Variants in MBD5 observed in about 807,000 individuals in gnomAD.
MBD5 encodes the protein methyl-CpG binding domain protein 5.
In MBD5, 13 loss-of-function variants were observed where a neutral mutation model predicts 117.3. The ratio of observed to expected loss-of-function variants is 0.11; its 90% CI spans 0.07 to 0.18. The LOEUF (loss-of-function observed/expected upper bound fraction) is 0.18. Ranked by LOEUF, MBD5 falls within the 10% of genes least tolerant of loss-of-function variation. The pLI is 1.00. For missense variants in MBD5, 1,879 were observed against 2,093.8 expected (o/e 0.90, Z 2.00); for synonymous variants, 727 against 766.4 (o/e 0.95, Z 0.85).
intron 1 of MBD5, among the ~76,000 whole-genome samples, chr2:148,037,924 C>T (rs557487131): frequency 9.9e-4 from 150 of 151,976 alleles, no homozygotes; most frequent in Non-Finnish European, 1.9e-3. Flanking sequence ...AAAGAACAAA[C>T]AGTTCTTTTC....
intron 8 of MBD5, chr2:148,471,112 C>G (rs1308679152): frequency 1.3e-5 from 2 of 151,828 alleles, no homozygotes; most frequent in African/African-American, 4.8e-5. Context: ...GGCTTGAAAA[C>G]CTGATTTCCA....
At chr2:148,431,931 CT>C (rs990540161) in intron 4 of MBD5, among the ~76,000 whole-genome samples, 4 of 152,058 alleles carry the variant, frequency 2.6e-5, no homozygotes, top group Non-Finnish European at 5.9e-5. Context: ...AATGGTAATT[CT>C]TTTTTAAGCT....
In MBD5 at chr2:148,424,205, A is replaced by C. The variant is rs576068370; in HGVS notation, c.-556-33998A>C. Among the ~76,000 whole-genome samples the C allele has an allele frequency of 1.7e-3, 217 of 130,384 alleles. 4 individuals are homozygous for C. Among genetic ancestry groups the C allele is most frequent in the Admixed American group, 0.014 (170 of 12,388 alleles). 85.5% of individuals were successfully genotyped at this position (130,384 alleles called of 152,430 possible). The stretch of plus-strand genomic sequence containing the variant: ...AAAAAAAAAAAAAAAAAAAAAAAAA[A>C]AAAAAAAAAAACAGCAGAGGTCGTA... On this transcript the variant is annotated intron_variant, in intron 4 of 13. Transcript: ENST00000642680.
At chr2:148,231,454 G>A (rs1330765445) in intron 2 of MBD5, among the ~76,000 whole-genome samples, 2 of 152,096 alleles carry the variant, frequency 1.3e-5, no homozygotes, top group Non-Finnish European at 2.9e-5. Flanking sequence ...ATTTAAGACT[G>A]TTTTTCCTAC....
intron 1 of MBD5, among the ~76,000 whole-genome samples, chr2:148,093,257 A>G (rs1695986678): frequency 6.6e-6 from 1 of 152,216 alleles, no homozygotes; most frequent in South Asian, 2.1e-4. Flanking sequence ...CTATGCAAAC[A>G]GGCAACTTAC....
chr2:148,087,962 TA>T (rs1032415003), intron 1 of MBD5, among the ~76,000 whole-genome samples: 3 of 150,714 alleles, frequency 2.0e-5, no homozygotes, highest in Non-Finnish European at 4.4e-5. Context: ...AAATAAATTT[TA>T]AAAAAATACA....
chr2:148,310,477 G>A (rs372990417), intron 3 of MBD5, among the ~76,000 whole-genome samples: 1 of 152,056 alleles, frequency 6.6e-6, no homozygotes, highest in Non-Finnish European at 1.5e-5. Context: ...ATTTCTGGGG[G>A]ATCAGTGGTA....
intron 3 of MBD5, among the ~76,000 whole-genome samples, chr2:148,317,934 T>C (rs887255498): frequency 1.3e-5 from 2 of 152,222 alleles, no homozygotes; most frequent in African/African-American, 4.8e-5. Flanking sequence ...CAGGTATTTT[T>C]TGATATAATG....
intron 3 of MBD5, among the ~76,000 whole-genome samples, chr2:148,321,997 C>G (rs1702294825): frequency 1.3e-5 from 2 of 152,212 alleles, no homozygotes. Flanking sequence ...ATTTATTTCA[C>G]TGATAGCACA....
Position 148,473,632 on chromosome 2 carries a change from T to C in MBD5, c.2518+3171T>C, listed in dbSNP as rs1173997862. Among the ~76,000 whole-genome samples, 3 of 152,156 alleles carry C rather than the reference T, an allele frequency of 2.0e-5. No individual in the cohort carries two copies. In the East Asian group the frequency reaches 5.8e-4, roughly 29 times the overall value. ...TTTTTAAATCTTCTTTTAAGGAGAGTCTTCCTATGCAAAACAATCCAAATA... is the reference window on the plus strand; with the variant it reads ...TTTTTAAATCTTCTTTTAAGGAGAGCCTTCCTATGCAAAACAATCCAAATA... On this transcript the variant is annotated intron_variant, in intron 8 of 13. Transcript: ENST00000642680.
intron 3 of MBD5, among the ~76,000 whole-genome samples, chr2:148,257,755 G>A (rs1048586646): frequency 9.9e-5 from 15 of 152,184 alleles, no homozygotes; most frequent in Non-Finnish European, 1.9e-4. Flanking sequence ...CAGCAACACT[G>A]TAAAAGTTCA....
At chr2:148,275,137 T>G (rs1209278005) in intron 3 of MBD5, among the ~76,000 whole-genome samples, 1 of 152,214 alleles carries the variant, frequency 6.6e-6, no homozygotes, top group Non-Finnish European at 1.5e-5. Context: ...TTTGTTTTCC[T>G]TTATTTTTTA....
At chr2:148,201,340 C>T (rs149782922) in intron 2 of MBD5, among the ~76,000 whole-genome samples, 79 of 151,228 alleles carry the variant, frequency 5.2e-4, no homozygotes, top group African/African-American at 1.6e-3. Context: ...CTCTGGTCTC[C>T]GGACGAGGGA....
At chr2:148,422,073 C>T (rs983623845) in intron 4 of MBD5, among the ~76,000 whole-genome samples, 7 of 152,194 alleles carry the variant, frequency 4.6e-5, no homozygotes, top group East Asian at 1.9e-4. Flanking sequence ...GCACAGCATT[C>T]GAGCTCTGAT....
intron 4 of MBD5, among the ~76,000 whole-genome samples, chr2:148,388,786 T>C (rs556610970): frequency 6.6e-6 from 1 of 152,316 alleles, no homozygotes; most frequent in African/African-American, 2.4e-5. Flanking sequence ...ACACCAGTCC[T>C]ACTGGATTGG....
chr2:148,171,821 A>G (rs1698270944), intron 1 of MBD5, among the ~76,000 whole-genome samples: 1 of 152,248 alleles, frequency 6.6e-6, no homozygotes, highest in African/African-American at 2.4e-5. Context: ...TATACACTTA[A>G]GTGAACTGTC....
At chr2:148,181,010 C>T (rs7587464) in intron 2 of MBD5, among the ~76,000 whole-genome samples, 54,488 of 151,754 alleles carry the variant, frequency 0.36, 10,898 homozygotes, top group South Asian at 0.5. Context: ...TATTATGAAC[C>T]GCCACATGTC....
At chr2:148,466,484 T>C (rs1233027332) in intron 7 of MBD5, among the ~76,000 whole-genome samples, 2 of 152,186 alleles carry the variant, frequency 1.3e-5, no homozygotes, top group African/African-American at 2.4e-5. Flanking sequence ...TAGATAATTA[T>C]ATAAATACAT....
intron 4 of MBD5, among the ~76,000 whole-genome samples, chr2:148,386,514 C>T (rs1403789675): frequency 6.6e-6 from 1 of 151,374 alleles, no homozygotes; most frequent in African/African-American, 2.4e-5. Context: ...GTCAGGAGAT[C>T]GAGACCATCC....
Sources: gnomAD v4.1 joint callset for allele counts (sites outside exome capture counted in the v4.1 genomes callset) on GRCh38, gnomAD v4.1.1 for gene constraint, MANE v1.5 for transcripts, NCBI Gene and HGNC (gene_info 2026-07-23, HGNC 2026-07-21) for gene names.